FGF14: variants seen among roughly 807,000 people sequenced by gnomAD.
FGF14 encodes fibroblast growth factor homologous factor 4.
FGF14 carries 5 observed loss-of-function variants against 25.5 expected under a neutral mutation model. That is an observed-to-expected ratio of 0.20 (90% CI 0.10 to 0.41). The LOEUF is 0.41. FGF14 is among the 10% of genes least tolerant of loss of function. The probability of loss-of-function intolerance (pLI) is 1.00; values close to 1 mark genes in which losing one functional copy is unlikely to be tolerated. For missense variants in FGF14, 222 were observed against 320.1 expected, an observed-to-expected ratio of 0.69 and a Z score of 2.34; for synonymous variants, 138 against 118.3, an observed-to-expected ratio of 1.17 and a Z score of -1.08.
chr13:102,351,307 T>C (rs2057272918), intron 1 of FGF14, among the ~76,000 whole-genome samples: 1 of 152,158 alleles, frequency 6.6e-6, no homozygotes, highest in African/African-American at 2.4e-5. Flanking sequence ...AACGATCTTC[T>C]TCCTCATCTT....
intron 1 of FGF14, among the ~76,000 whole-genome samples, chr13:102,280,035 G>T (rs2053749757): frequency 6.6e-6 from 1 of 152,166 alleles, no homozygotes; most frequent in African/African-American, 2.4e-5. Context: ...GGAGGAAGTT[G>T]TATACATAGT....
chr13:101,779,333 TAAC>T (rs1000505615), intron 3 of FGF14, among the ~76,000 whole-genome samples: 1 of 152,186 alleles, frequency 6.6e-6, no homozygotes, highest in Non-Finnish European at 1.5e-5. Context: ...GTGTCCATAT[TAAC>T]AACAATACAC....
intron 1 of FGF14, among the ~76,000 whole-genome samples, chr13:101,890,764 G>A (rs9557752): frequency 0.37 from 56,188 of 151,960 alleles, 11,288 homozygotes; most frequent in African/African-American, 0.51. Context: ...CCAGAGCCAC[G>A]TGTACTTCTG....
At chr13:101,758,241 G>A (rs999801201) in intron 3 of FGF14, among the ~76,000 whole-genome samples, 7 of 152,174 alleles carry the variant, frequency 4.6e-5, no homozygotes, top group Admixed American at 2.0e-4. Context: ...AATTATCATT[G>A]TTTTATTCAG....
chr13:102,316,904 G>T (rs961069068), intron 1 of FGF14, among the ~76,000 whole-genome samples: 3 of 152,090 alleles, frequency 2.0e-5, no homozygotes, highest in African/African-American at 7.2e-5. Flanking sequence ...CATCTTTCAG[G>T]ATGATTGAGA....
At chr13:101,948,422 A>T (rs2035947003) in intron 1 of FGF14, among the ~76,000 whole-genome samples, 3 of 151,558 alleles carry the variant, frequency 2.0e-5, no homozygotes, top group Non-Finnish European at 4.4e-5. Flanking sequence ...TATGTAACAA[A>T]CCTGCACGTT....
At chr13:101,832,270 A>AG (rs2042707914) in intron 3 of FGF14, among the ~76,000 whole-genome samples, 1 of 152,032 alleles carries the variant, frequency 6.6e-6, no homozygotes, top group Non-Finnish European at 1.5e-5. Flanking sequence ...CAGAGAGAGC[A>AG]CGGCCCAGCT....
At chr13:102,333,309 T>C (rs550359390) in intron 1 of FGF14, among the ~76,000 whole-genome samples, 1 of 152,142 alleles carries the variant, frequency 6.6e-6, no homozygotes, top group African/African-American at 2.4e-5. Flanking sequence ...AGAAAATCAG[T>C]GTGTGTCTGT....
intron 1 of FGF14, among the ~76,000 whole-genome samples, chr13:102,088,775 T>G (rs780850250): frequency 6.6e-6 from 1 of 152,166 alleles, no homozygotes; most frequent in Non-Finnish European, 1.5e-5. Flanking sequence ...CATGTTTGTG[T>G]CATACAAACT....
At chr13:101,991,237 A>T (rs2038885838) in intron 1 of FGF14, among the ~76,000 whole-genome samples, 1 of 152,164 alleles carries the variant, frequency 6.6e-6, no homozygotes, top group African/African-American at 2.4e-5. Flanking sequence ...ATTGGGTAAC[A>T]ATCACCACCA....
chr13:101,832,176 T>C (rs1248136485), intron 3 of FGF14, among the ~76,000 whole-genome samples: 1 of 151,904 alleles, frequency 6.6e-6, no homozygotes, highest in Non-Finnish European at 1.5e-5. Context: ...AGGCAGAGAT[T>C]GAGTGATGTG....
At position 101,907,522 on chromosome 13, in the gene FGF14, T is replaced by A. The variant is rs148694308; in HGVS notation, c.193+8931A>T. On this transcript the variant is annotated intron_variant, in intron 1 of 4. Coordinates refer to ENST00000376143, the MANE Select transcript of FGF14 (RefSeq NM_004115.4). ...TAAGAACTGAAAACAGAATCTTGAG[T>A]TTGATCACTTGCAGGTCATGGGTGA... Among the ~76,000 whole-genome samples, 5 of 152,178 alleles carry A rather than the reference T, an allele frequency of 3.3e-5. No individual in the cohort carries two copies. In the East Asian group the frequency reaches 9.7e-4, roughly 29 times the overall value.
intron 3 of FGF14, among the ~76,000 whole-genome samples, chr13:101,812,639 A>G (rs1566931300): frequency 8.8e-5 from 1 of 11,364 alleles, no homozygotes; most frequent in Non-Finnish European, 2.0e-4. Context: ...ATATATATAT[A>G]TATATATATA....
rs532559652 is a variant in FGF14, at chr13:102,001,737, C to T, written c.209-126441G>A. ...AATTTCATCTGGAGTAGATTGGGAA[C>T]GACTGTCAAGGAAATAACATCTAAC... is the stretch of plus-strand genomic sequence containing the variant. On this transcript the variant is annotated intron_variant, in intron 1 of 4. Transcript: ENST00000376131. 3.1e-3 allele frequency among the ~76,000 whole-genome samples: 467 copies of T among 152,212 alleles called. 4 individuals are homozygous for T. The highest frequency in any genetic ancestry group is 0.011 in the African/African-American group (436 of 41,516).
intron 4 of FGF14, among the ~76,000 whole-genome samples, chr13:101,724,687 T>TC (rs11397887): frequency 0.99 from 143,618 of 145,018 alleles, 71,135 homozygotes; most frequent in East Asian, 1. Context: ...ACTTAATTTG[T>TC]CAAACATTTC....
chr13:102,361,684 G>A (rs960263753), intron 1 of FGF14, among the ~76,000 whole-genome samples: 8 of 152,204 alleles, frequency 5.3e-5, no homozygotes, highest in East Asian at 1.9e-4. Flanking sequence ...TGTGGGATTC[G>A]TTTCCAAACT....
chr13:101,828,096 T>C (rs538041305), intron 3 of FGF14, among the ~76,000 whole-genome samples: 1 of 152,074 alleles, frequency 6.6e-6, no homozygotes, highest in East Asian at 1.9e-4. Context: ...CACATATATA[T>C]CTTAAATATG....
chr13:102,344,676 TA>T (rs1268384395), intron 1 of FGF14, among the ~76,000 whole-genome samples: 1 of 152,174 alleles, frequency 6.6e-6, no homozygotes, highest in African/African-American at 2.4e-5. Context: ...GAGAGGCACA[TA>T]AGAGATCATT....
At chr13:101,765,571 T>C (rs2038329361) in intron 3 of FGF14, among the ~76,000 whole-genome samples, 1 of 152,188 alleles carries the variant, frequency 6.6e-6, no homozygotes, top group South Asian at 2.1e-4. Flanking sequence ...CTTCCTACTC[T>C]TTCCTTTATA....
Sources: gnomAD v4.1 joint callset for allele counts (sites outside exome capture counted in the v4.1 genomes callset) on GRCh38, gnomAD v4.1.1 for gene constraint, MANE v1.5 for transcripts, NCBI Gene and HGNC (gene_info 2026-07-23, HGNC 2026-07-21) for gene names.